GP2: variants seen among roughly 807,000 people sequenced by gnomAD.
GP2 encodes the protein pancreatic secretory granule membrane major glycoprotein GP2.
In GP2, 58 loss-of-function variants were observed where a neutral mutation model predicts 60.8. The observed-to-expected ratio is 0.95, with a 90% CI of 0.77 to 1.19. The LOEUF (loss-of-function observed/expected upper bound fraction) is 1.19, where lower values mean the gene tolerates loss of function less well. Ranked by LOEUF, GP2 falls within the 50% of genes most tolerant of loss-of-function variation. GP2 has a pLI of 0.00. For synonymous variants in GP2, 280 were observed against 253.4 expected (o/e 1.10, Z -1.00); for missense variants, 647 against 667.4 (o/e 0.97, Z 0.34).
At position 20,311,218 on chromosome 16, in the gene GP2, A is replaced by G. The variant is rs746403673; in HGVS notation, c.*5T>C. 2 of 1,598,238 alleles carry G rather than the reference A, an allele frequency of 1.3e-6. No homozygotes were observed. The highest frequency in any genetic ancestry group is 1.7e-6 in the Non-Finnish European group (2 of 1,165,592). On this transcript the variant is annotated 3_prime_UTR_variant, in exon 11 of 11. Coordinates refer to ENST00000302555, the MANE Select transcript of GP2 (RefSeq NM_001502.4). ...AACTTCAAGGCCAGATGCTCAGCGG[A>G]GCTCTCAGAACAGCCAAGCCAGGAG...
intron 10 of GP2, 152 bp downstream of exon 10, chr16:20,314,505 C>T (rs942573497): frequency 4.5e-6 from 3 of 671,344 alleles, no homozygotes; most frequent in South Asian, 1.8e-5. Flanking sequence ...AGGACTACCT[C>T]CTCCACTATA....
chr16:20,321,662 G>T (rs1251316378), intron 4 of GP2, among the ~76,000 whole-genome samples: 1 of 152,202 alleles, frequency 6.6e-6, no homozygotes, highest in African/African-American at 2.4e-5. Flanking sequence ...AGAGGCAAAA[G>T]CATGGAGATG....
chr16:20,314,470 G>T (rs1176798520), intron 10 of GP2, among the ~76,000 whole-genome samples, 187 bp downstream of exon 10: 1 of 151,954 alleles, frequency 6.6e-6, no homozygotes, highest in African/African-American at 2.4e-5. Context: ...CACACAGTGG[G>T]CACTCAGTAT....
At chr16:20,320,524 A>G (rs895490627) in intron 4 of GP2, 51 bp from the exon 5 acceptor site, 6 of 1,177,438 alleles carry the variant, frequency 5.1e-6, no homozygotes, top group African/African-American at 3.0e-5. Flanking sequence ...CTGGAAGCCC[A>G]CTTTCCCTAC....
At position 20,320,394 on chromosome 16, in the gene GP2, G is replaced by A. The variant is rs1964320092; in HGVS notation, c.726C>T (p.Gly242=). Reference sequence around the variant, plus strand: ...CAATGACCTCCTCCCCCAAACCCAGGCCTCCCAGCAAACATTTGTCCACCT... The same window carrying A: ...CAATGACCTCCTCCCCCAAACCCAGACCTCCCAGCAAACATTTGTCCACCT... ...KVKVDKCLLG[G]LGLGEEVIAY... is the part of the protein sequence containing the mutation. The change falls in exon 5 of 11, where the codon GGC becomes GGT. Residue 242 remains glycine, a synonymous_variant. Coordinates refer to ENST00000302555, the MANE Select transcript of GP2 (RefSeq NM_001502.4). 1.2e-6 allele frequency: 2 copies of A among 1,613,812 alleles called. No individual in the cohort carries two copies. Among genetic ancestry groups the A allele is most frequent in the Non-Finnish European group, 1.7e-6 (2 of 1,179,744 alleles).
intron 3 of GP2, 57 bp downstream of exon 3, chr16:20,323,759 G>A: frequency 8.6e-7 from 1 of 1,158,670 alleles, no homozygotes; most frequent in Non-Finnish European, 1.2e-6. Flanking sequence ...ACTCTACTGA[G>A]CCTGGGAGGC....
At position 20,323,819 on chromosome 16, in the gene GP2, T is replaced by G; in HGVS notation, c.532A>C (p.Thr178Pro). The G allele has an allele frequency of 6.2e-7, 1 of 1,604,868 alleles. No homozygotes were observed. Among genetic ancestry groups the G allele is most frequent in the Non-Finnish European group, 8.5e-7 (1 of 1,174,244 alleles). ...GTPWCNLRYC[T>P]DPSTVEDKCE... ...CCTCCAGGGCTCTGCTGCTCACCTG[T>G]GCAGTATCTCAGATTACACCAGGGA... Residue 178 changes from threonine (T) to proline (P), a missense_variant, in exon 3 of 11, where the codon ACA becomes CCA. Thr to Pro is a conservative substitution (Grantham distance 38, BLOSUM62 -1). Transcript: ENST00000302555.
intron 3 of GP2, 155 bp downstream of exon 3, chr16:20,323,661 T>C (rs1964442341): frequency 6.5e-6 from 4 of 618,898 alleles, no homozygotes; most frequent in Middle Eastern, 2.7e-4. Flanking sequence ...TTGGAAGGTC[T>C]CAACCCCTGT....
At chr16:20,319,588 T>C in intron 6 of GP2, 32 bp downstream of exon 6, 4 of 1,558,000 alleles carry the variant, frequency 2.6e-6, no homozygotes, top group Non-Finnish European at 3.5e-6. Flanking sequence ...TTGCCAGGGT[T>C]ATGGGTCAAA....
Position 20,316,053 on chromosome 16 carries a change from T to A in GP2, c.1417-13A>T. On this transcript the variant is annotated splice_polypyrimidine_tract_variant and intron_variant, in intron 8 of 10. Transcript: ENST00000302555. ...TTCTTGAGCAAGACTGTAGGGATGA[T>A]GAACTTTTATTATATCAAAATTTAA... 6.4e-7 allele frequency: 1 copy of A among 1,557,524 alleles called. No homozygotes were observed. The highest frequency in any genetic ancestry group is 8.9e-7 in the Non-Finnish European group (1 of 1,128,408).
chr16:20,311,653 T>C (rs1229556920), intron 10 of GP2, among the ~76,000 whole-genome samples: 1 of 152,164 alleles, frequency 6.6e-6, no homozygotes, highest in Admixed American at 6.5e-5. Context: ...ATGCAGAGGA[T>C]CCAAGATAGG....
intron 6 of GP2, 147 bp downstream of exon 6, chr16:20,319,473 G>T: frequency 1.6e-6 from 1 of 629,954 alleles, no homozygotes; most frequent in South Asian, 2.2e-5. Flanking sequence ...TACAATCAAT[G>T]AATACTTGTG....
chr16:20,314,594 C>T, intron 10 of GP2, 63 bp downstream of exon 10: 2 of 1,133,696 alleles, frequency 1.8e-6, no homozygotes, highest in Non-Finnish European at 1.3e-6. Context: ...ATAAAAGGGG[C>T]AGAATTGAAA....
chr16:20,320,465 T>C lies in GP2; in HGVS notation c.655A>G (p.Ser219Gly), dbSNP rs1964323914. The C allele has an allele frequency of 6.2e-7, 1 of 1,610,888 alleles. No homozygotes were observed. The highest frequency in any genetic ancestry group is 8.5e-7 in the Non-Finnish European group (1 of 1,177,230). Residue 219 changes from serine to glycine, a missense_variant, in exon 5 of 11, where the codon AGT (serine) becomes GGT (glycine). Ser to Gly is a moderately conservative substitution (Grantham distance 56). Coordinates refer to ENST00000302555, the MANE Select transcript of GP2 (RefSeq NM_001502.4). ...CCACAGTCTAGCTGAGGCTGCAAACTGTGGACATCTGCAAAGCAGAGATGA... is the reference window on the plus strand; with the variant it reads ...CCACAGTCTAGCTGAGGCTGCAAACCGTGGACATCTGCAAAGCAGAGATGA... ...RQDLNSSDVH[S>G]LQPQLDCGPR...
In GP2 at chr16:20,324,180, A is replaced by C; in HGVS notation, c.171T>G (p.His57Gln). ...AATTCTGACAGGGGTCAAAACAGAC[A>C]TGAGCCTCTGGGGTGCCAGGAGCTC... ...DCGAPGTPEA[H>Q]VCFDPCQNYT... Residue 57 changes from histidine to glutamine, a missense_variant, in exon 3 of 11, where the codon CAT (histidine) becomes CAG (glutamine). His to Gln is a conservative substitution (Grantham distance 24, BLOSUM62 0). Transcript: ENST00000302555. 7.4e-6 allele frequency: 12 copies of C among 1,613,926 alleles called. No individual in the cohort carries two copies. Among genetic ancestry groups the C allele is most frequent in the Non-Finnish European group, 1.0e-5 (12 of 1,179,742 alleles).
At chr16:20,314,021 A>G (rs1246826459) in intron 10 of GP2, among the ~76,000 whole-genome samples, 2 of 152,060 alleles carry the variant, frequency 1.3e-5, no homozygotes, top group African/African-American at 4.8e-5. Context: ...ATGTCTATAC[A>G]ATGAGAACAC....
Position 20,324,238 on chromosome 16 carries a change from T to A in GP2, c.113A>T (p.Glu38Val). ...CAGGTCCAGCCCATACGAACTGGCT[T>A]CAATGGGGTTTCCATAACCTGGGAA... ...AVQRGYGNPIEASSYGLDLDC... is the reference protein window; with the variant it reads ...AVQRGYGNPIVASSYGLDLDC... The change falls in exon 3 of 11, where the codon GAA becomes GTA. Residue 38 changes from glutamate (E) to valine (V), a missense_variant. Coordinates refer to ENST00000302555, the MANE Select transcript of GP2 (RefSeq NM_001502.4). 6.3e-7 allele frequency: 1 copy of A among 1,598,918 alleles called. No individual in the cohort carries two copies. Among genetic ancestry groups the A allele is most frequent in the Non-Finnish European group, 8.6e-7 (1 of 1,168,778 alleles).
chr16:20,325,011 C>T (rs929099694), intron 2 of GP2, among the ~76,000 whole-genome samples: 8 of 152,344 alleles, frequency 5.3e-5, no homozygotes, highest in Non-Finnish European at 7.3e-5. Flanking sequence ...TGGGGGGCAT[C>T]GCCCCCAGTT....
chr16:20,314,771 C>T (rs964028231), intron 9 of GP2, 70 bp from the exon 10 acceptor site: 2 of 1,055,778 alleles, frequency 1.9e-6, no homozygotes, highest in Non-Finnish European at 3.0e-6. Flanking sequence ...GTGGCCATAA[C>T]TGCTTCACAT....
Sources: allele counts gnomAD v4.1 joint callset (sites outside exome capture counted in the v4.1 genomes callset), GRCh38; gene constraint gnomAD v4.1.1; transcripts MANE v1.5; gene names NCBI Gene and HGNC (gene_info 2026-07-23, HGNC 2026-07-21).